The following TRPM1 variants were observed in gnomAD, a reference collection of about 807,000 sequenced individuals.
TRPM1 encodes the protein transient receptor potential cation channel subfamily M member 1.
A neutral mutation model predicts 149.4 loss-of-function variants in TRPM1; 113 were observed. That is an observed-to-expected ratio of 0.76 (90% CI 0.65 to 0.88). TRPM1 has a LOEUF of 0.88. Ranked by LOEUF, TRPM1 falls within the 40% of genes least tolerant of loss-of-function variation. The pLI is 0.00. For synonymous variants in TRPM1, 741 were observed against 759.5 expected, an observed-to-expected ratio of 0.98 and a Z score of 0.40; for missense variants, 1,976 against 2,038.7, an observed-to-expected ratio of 0.97 and a Z score of 0.59.
chr15:31,138,926 A>T (rs549906433), intron 1 of TRPM1, among the ~76,000 whole-genome samples: 140 of 149,826 alleles, frequency 9.3e-4, no homozygotes, highest in African/African-American at 3.2e-3. Flanking sequence ...GTTTACATTT[A>T]AAAAAAAAAT....
Position 31,002,173 on chromosome 15 carries a change from GT to G in TRPM1, c.4526del (p.Tyr1509SerfsTer37), listed in dbSNP as rs1247544988. The G allele has an allele frequency of 2.5e-6, 4 of 1,614,088 alleles. No individual in the cohort carries two copies. Among genetic ancestry groups the G allele is most frequent in the Non-Finnish European group, 3.4e-6 (4 of 1,180,046 alleles). ...ITRSHSTDIPYIVSEAAVQAE... is the reference protein window; with the variant it reads ...ITRSHSTDIPXIVSEAAVQAE... Reference sequence around the variant, plus strand: ...CTTGCACTGCAGCTTCCGACACAATGTAAGGAATATCTGTGCTATGAGAGCG... The same window carrying G: ...CTTGCACTGCAGCTTCCGACACAATGAAGGAATATCTGTGCTATGAGAGCG... On this transcript the variant is annotated frameshift_variant, in exon 28 of 28. Coordinates refer to ENST00000256552, the MANE Select transcript of TRPM1 (RefSeq NM_001252024.2). LOFTEE classifies it low-confidence loss of function (END_TRUNC).
At chr15:31,125,479 C>T (rs1009597908) in intron 1 of TRPM1, among the ~76,000 whole-genome samples, 8 of 151,784 alleles carry the variant, frequency 5.3e-5, no homozygotes, top group Non-Finnish European at 8.8e-5. Context: ...GCCTGTAATC[C>T]CAGCACTTTG....
intron 3 of TRPM1, among the ~76,000 whole-genome samples, chr15:31,072,653 G>T (rs1329547240): frequency 6.6e-6 from 1 of 152,022 alleles, no homozygotes; most frequent in South Asian, 2.1e-4. Flanking sequence ...AGTGTCTGAG[G>T]GTTCTGATTT....
chr15:31,057,984 G>A (rs898988150), intron 11 of TRPM1, among the ~76,000 whole-genome samples: 6 of 151,986 alleles, frequency 3.9e-5, no homozygotes, highest in Admixed American at 6.6e-5. Context: ...AGTGTCCTGG[G>A]GTCTCCCCAG....
chr15:31,140,038 A>T (rs1026409194), intron 1 of TRPM1, among the ~76,000 whole-genome samples: 1 of 151,234 alleles, frequency 6.6e-6, no homozygotes, highest in Non-Finnish European at 1.5e-5. Flanking sequence ...TTTGTGCTAC[A>T]GTTTGGATAT....
At chr15:31,104,082 G>A (rs767557654), upstream of TRPM1, among the ~76,000 whole-genome samples, 1 of 152,170 alleles carries the variant, frequency 6.6e-6, no homozygotes, top group Non-Finnish European at 1.5e-5. Context: ...TTATGTGTCT[G>A]TGGAGCCGTC....
intron 27 of TRPM1, among the ~76,000 whole-genome samples, chr15:31,017,649 G>C (rs968219807): frequency 6.6e-6 from 1 of 152,210 alleles, no homozygotes; most frequent in Admixed American, 6.5e-5. Flanking sequence ...GGACATGGCT[G>C]TGTGAATATC....
chr15:31,072,016 T>TAGAGAGAG (rs1443932287), intron 3 of TRPM1, among the ~76,000 whole-genome samples: 11 of 30,680 alleles, frequency 3.6e-4, no homozygotes, highest in African/African-American at 1.3e-3. Flanking sequence ...TATATATATA[T>TAGAGAGAG]ATAGAGAGAG....
At chr15:31,073,732 C>A (rs138576023) in intron 3 of TRPM1, among the ~76,000 whole-genome samples, 21 of 152,110 alleles carry the variant, frequency 1.4e-4, no homozygotes, top group Admixed American at 2.0e-4. Flanking sequence ...GCCTGTACTT[C>A]CATTAAAATG....
chr15:31,104,902 G>A (rs1047890084), upstream of TRPM1, among the ~76,000 whole-genome samples: 30 of 152,070 alleles, frequency 2.0e-4, no homozygotes, highest in African/African-American at 7.2e-4. Context: ...CTGCAAAATG[G>A]TGATCTTCTA....
At chr15:31,022,536 T>TTA (rs1472389388) in intron 27 of TRPM1, among the ~76,000 whole-genome samples, 1 of 152,252 alleles carries the variant, frequency 6.6e-6, no homozygotes, top group African/African-American at 2.4e-5. Flanking sequence ...CTCTTTGATG[T>TTA]TATCCCTTTG....
intron 1 of TRPM1, 116 bp from the exon 2 acceptor site, chr15:31,081,554 T>G: frequency 4.5e-6 from 3 of 665,184 alleles, no homozygotes; most frequent in Non-Finnish European, 7.7e-6. Context: ...ATGTGGCCTC[T>G]TCACCAGGGC....
At chr15:31,020,763 G>A (rs1241953621) in intron 27 of TRPM1, among the ~76,000 whole-genome samples, 1 of 152,136 alleles carries the variant, frequency 6.6e-6, no homozygotes, top group East Asian at 1.9e-4. Context: ...GAGGAGGACG[G>A]CTCATTTGGT....
intron 27 of TRPM1, among the ~76,000 whole-genome samples, chr15:31,004,138 C>G (rs919708275): frequency 1.3e-5 from 2 of 152,102 alleles, no homozygotes; most frequent in Non-Finnish European, 2.9e-5. Flanking sequence ...TTCCATTATT[C>G]TTTTATTTTC....
chr15:31,089,091 C>T (rs1360453345), intron 1 of TRPM1, among the ~76,000 whole-genome samples: 1 of 152,140 alleles, frequency 6.6e-6, no homozygotes, highest in Non-Finnish European at 1.5e-5. Context: ...TTTTAAAAAA[C>T]AAAAATCAAT....
chr15:31,037,767 C>A lies in TRPM1; in HGVS notation c.2515G>T (p.Gly839Ter), dbSNP rs766173103. The A allele has an allele frequency of 6.2e-7, 1 of 1,614,046 alleles. No individual in the cohort carries two copies. The highest frequency in any genetic ancestry group is 8.5e-7 in the Non-Finnish European group (1 of 1,180,046). ...TTATAGAATTCACAGATCTTTGTTC[C>A]GATGGGAATACTTCTCTGTTTTTTG... ...EHKKQRSIPI[G>*]TKICEFYNAP... is the part of the protein sequence containing the mutation. Residue 839 changes from glycine (G) to a stop codon, truncating the protein, a stop_gained, in exon 20 of 28, where the codon GGA (glycine) becomes TGA (stop). Coordinates refer to ENST00000256552, the MANE Select transcript of TRPM1 (RefSeq NM_001252024.2). LOFTEE classifies it high-confidence loss of function.
chr15:31,031,716 A>G (rs945610239), intron 22 of TRPM1, among the ~76,000 whole-genome samples: 1 of 152,188 alleles, frequency 6.6e-6, no homozygotes, highest in East Asian at 1.9e-4. Context: ...CACTTGCCCT[A>G]TAAAGAGTCC....
At chr15:31,035,224 G>A (rs1024712496) in intron 21 of TRPM1, among the ~76,000 whole-genome samples, 7 of 151,984 alleles carry the variant, frequency 4.6e-5, no homozygotes, top group Non-Finnish European at 8.8e-5. Flanking sequence ...GGCTGGTTTC[G>A]AATTACTGCT....
chr15:31,090,096 T>A (rs79713823), intron 1 of TRPM1, among the ~76,000 whole-genome samples: 51 of 152,336 alleles, frequency 3.3e-4, no homozygotes, highest in African/African-American at 9.9e-4. Flanking sequence ...TCTGCAACCC[T>A]AGCCCCTAGC....
Sources: gnomAD v4.1 joint callset for allele counts (sites outside exome capture counted in the v4.1 genomes callset) on GRCh38, gnomAD v4.1.1 for gene constraint, MANE v1.5 for transcripts, NCBI Gene and HGNC (gene_info 2026-07-23, HGNC 2026-07-21) for gene names.